The following KCNB2 variants were observed in gnomAD, a reference collection of about 807,000 sequenced individuals.
KCNB2 encodes potassium voltage-gated channel subfamily B member 2, also known as delayed rectifier potassium channel protein.
A neutral mutation model predicts 61.5 loss-of-function variants in KCNB2; 15 were observed. That is an observed-to-expected ratio of 0.24 (90% CI 0.16 to 0.38). The LOEUF (loss-of-function observed/expected upper bound fraction) is 0.38. Ranked by LOEUF, KCNB2 falls within the 10% of genes least tolerant of loss-of-function variation. The pLI is 1.00. For missense variants in KCNB2, 828 were observed against 1,125.2 expected, an observed-to-expected ratio of 0.74 and a Z score of 3.78; for synonymous variants, 457 against 446.0, an observed-to-expected ratio of 1.02 and a Z score of -0.31.
At chr8:72,632,114 C>T (rs956136703) in intron 2 of KCNB2, among the ~76,000 whole-genome samples, 3 of 151,806 alleles carry the variant, frequency 2.0e-5, no homozygotes, top group Non-Finnish European at 4.4e-5. Flanking sequence ...GATGTGATCA[C>T]ATGCACCTGT....
At chr8:72,928,327 C>T (rs943016209) in intron 2 of KCNB2, among the ~76,000 whole-genome samples, 2 of 151,622 alleles carry the variant, frequency 1.3e-5, no homozygotes, top group South Asian at 2.1e-4. Flanking sequence ...CAAGTAGCTG[C>T]GACTACAGGC....
At chr8:72,793,488 C>A (rs1009909254) in intron 2 of KCNB2, among the ~76,000 whole-genome samples, 1 of 152,048 alleles carries the variant, frequency 6.6e-6, no homozygotes. Context: ...CGAAGGAAAG[C>A]AAGAATCAGA....
intron 2 of KCNB2, among the ~76,000 whole-genome samples, chr8:72,862,126 T>G (rs1161786693): frequency 6.6e-6 from 1 of 152,134 alleles, no homozygotes. Context: ...AGCAAGACTG[T>G]CTCAAAAAAT....
At chr8:72,720,720 GTGAA>G (rs1447850927) in intron 2 of KCNB2, among the ~76,000 whole-genome samples, 1 of 152,192 alleles carries the variant, frequency 6.6e-6, no homozygotes, top group Non-Finnish European at 1.5e-5. Context: ...AGTTGAATGA[GTGAA>G]TGAACATAAT....
intron 2 of KCNB2, among the ~76,000 whole-genome samples, chr8:72,598,997 A>T (rs1037552011): frequency 6.6e-6 from 1 of 152,246 alleles, no homozygotes; most frequent in Non-Finnish European, 1.5e-5. Context: ...AGGAAGAATC[A>T]ATATCGTGAA....
At chr8:72,863,977 C>T (rs1805464206) in intron 2 of KCNB2, among the ~76,000 whole-genome samples, 1 of 152,192 alleles carries the variant, frequency 6.6e-6, no homozygotes, top group Non-Finnish European at 1.5e-5. Context: ...GCACTTCAGC[C>T]TGAGTGACAG....
intron 2 of KCNB2, among the ~76,000 whole-genome samples, chr8:72,665,697 T>TCCCAGTGTGGAGACTAACATGTAAGTTG (rs1454088158): frequency 8.3e-6 from 1 of 120,064 alleles, no homozygotes; most frequent in African/African-American, 2.9e-5. Flanking sequence ...CATGTAAGTT[T>TCCCAGTGTGGAGACTAACATGTAAGTTG]GTTCTTAAAT....
intron 2 of KCNB2, among the ~76,000 whole-genome samples, chr8:72,797,599 T>C (rs1335665470): frequency 6.6e-6 from 1 of 152,208 alleles, no homozygotes; most frequent in Non-Finnish European, 1.5e-5. Context: ...TAAAGTGAAA[T>C]GAAGTTTGTG....
At chr8:72,757,406 G>A (rs994524565) in intron 2 of KCNB2, among the ~76,000 whole-genome samples, 2 of 152,198 alleles carry the variant, frequency 1.3e-5, no homozygotes, top group African/African-American at 4.8e-5. Flanking sequence ...AATGGAAAGA[G>A]AGATGCTCAG....
At chr8:72,832,025 A>C (rs572537137) in intron 2 of KCNB2, among the ~76,000 whole-genome samples, 1 of 152,250 alleles carries the variant, frequency 6.6e-6, no homozygotes, top group Non-Finnish European at 1.5e-5. Flanking sequence ...AAATCTTCAA[A>C]TATAAACATT....
chr8:72,844,863 T>A (rs1028581994), intron 2 of KCNB2, among the ~76,000 whole-genome samples: 3 of 152,224 alleles, frequency 2.0e-5, no homozygotes, highest in African/African-American at 4.8e-5. Flanking sequence ...GTTCTTAGCA[T>A]CCTTGCATTG....
intron 2 of KCNB2, among the ~76,000 whole-genome samples, chr8:72,717,340 A>G (rs949877848): frequency 6.6e-6 from 1 of 152,238 alleles, no homozygotes; most frequent in Non-Finnish European, 1.5e-5. Context: ...ACCAAAAAAG[A>G]GCTTGCATCG....
intron 2 of KCNB2, among the ~76,000 whole-genome samples, chr8:72,774,679 A>G (rs1307471526): frequency 6.6e-6 from 1 of 152,130 alleles, no homozygotes; most frequent in Non-Finnish European, 1.5e-5. Flanking sequence ...ACACATATAT[A>G]AAATTTACAT....
chr8:72,636,826 G>T (rs554514076), intron 2 of KCNB2, among the ~76,000 whole-genome samples: 2 of 152,234 alleles, frequency 1.3e-5, no homozygotes, highest in African/African-American at 2.4e-5. Flanking sequence ...AAGCAAAGTA[G>T]TCAAATGAGA....
intron 2 of KCNB2, among the ~76,000 whole-genome samples, chr8:72,717,470 G>T (rs1278147192): frequency 6.6e-6 from 1 of 152,120 alleles, no homozygotes; most frequent in African/African-American, 2.4e-5. Context: ...CAGAGATATA[G>T]ACCAATGGAA....
intron 2 of KCNB2, among the ~76,000 whole-genome samples, chr8:72,755,616 A>C (rs189282687): frequency 1.3e-5 from 2 of 152,328 alleles, no homozygotes; most frequent in Admixed American, 1.3e-4. Flanking sequence ...ACCTTTGCTC[A>C]TTAGGGAAAT....
intron 2 of KCNB2, among the ~76,000 whole-genome samples, chr8:72,839,643 C>T (rs1161597262): frequency 8.9e-6 from 1 of 111,780 alleles, no homozygotes; most frequent in East Asian, 2.9e-4. Flanking sequence ...GACGGAGTCT[C>T]GCTCTGTCGC....
intron 2 of KCNB2, among the ~76,000 whole-genome samples, chr8:72,725,617 A>ATATATC (rs1807637498): frequency 7.1e-6 from 1 of 141,340 alleles, no homozygotes; most frequent in South Asian, 2.2e-4. Flanking sequence ...ATATATATAT[A>ATATATC]TATATGCATT....
At chr8:72,693,909 C>T (rs999186963) in intron 2 of KCNB2, among the ~76,000 whole-genome samples, 2 of 152,084 alleles carry the variant, frequency 1.3e-5, no homozygotes, top group African/African-American at 2.4e-5. Context: ...CCTTAGAGTT[C>T]GACATTGTTT....
Sources: gnomAD v4.1 joint callset for allele counts (sites outside exome capture counted in the v4.1 genomes callset) on GRCh38, gnomAD v4.1.1 for gene constraint, MANE v1.5 for transcripts, NCBI Gene and HGNC (gene_info 2026-07-23, HGNC 2026-07-21) for gene names.